The following PCLO variants were observed in gnomAD, a reference collection of about 807,000 sequenced individuals.
PCLO encodes piccolo presynaptic cytomatrix protein, also known as protein piccolo.
Under a neutral mutation model 427.5 loss-of-function variants are expected in PCLO, and 82 were observed. That is an observed-to-expected ratio of 0.19 (90% CI 0.16 to 0.23). The LOEUF is 0.23. PCLO is among the 10% of genes least tolerant of loss of function. The pLI is 1.00. For synonymous variants in PCLO, 2,357 were observed against 2,155.4 expected, an observed-to-expected ratio of 1.09 and a Z score of -2.59; for missense variants, 6,239 against 6,115.9, an observed-to-expected ratio of 1.02 and a Z score of -0.67.
chr7:82,876,215 C>T (rs1304754666), intron 10 of PCLO, among the ~76,000 whole-genome samples: 2 of 151,882 alleles, frequency 1.3e-5, no homozygotes, highest in African/African-American at 2.4e-5. Context: ...AAATGTTCAA[C>T]ACCCTTATTG....
chr7:82,930,528 A>G (rs1794816822), intron 6 of PCLO, among the ~76,000 whole-genome samples: 1 of 152,188 alleles, frequency 6.6e-6, no homozygotes, highest in Admixed American at 6.6e-5. Flanking sequence ...CAAATTATCC[A>G]AGAGGTAAAT....
At chr7:83,085,240 ATGT>A (rs1482057992) in intron 3 of PCLO, among the ~76,000 whole-genome samples, 1 of 152,170 alleles carries the variant, frequency 6.6e-6, no homozygotes, top group African/African-American at 2.4e-5. Context: ...GGAAAGAAAC[ATGT>A]TGTGTAATTT....
Position 82,760,674 on chromosome 7 carries a change from G to C in PCLO, c.15253C>G (p.Arg5085Gly). ...TGTCCTGCAGGACTTAGACTGAATC[G>C]AAAAGTTTCATTAAACGAAGGCTCT... ...DREPSFNETF[R>G]FSLSPAGHSL... The change falls in exon 24 of 25, where the codon CGA becomes GGA. Residue 5085 changes from arginine to glycine, a missense_variant. Physicochemically the swap from Arg to Gly is moderately radical, Grantham distance 125. Transcript: ENST00000333891. 1 of 1,605,964 alleles carries C rather than the reference G, an allele frequency of 6.2e-7. No individual in the cohort carries two copies. Among genetic ancestry groups the C allele is most frequent in the Non-Finnish European group, 8.5e-7 (1 of 1,175,936 alleles).
chr7:83,048,687 T>A (rs1365264734), intron 3 of PCLO, among the ~76,000 whole-genome samples: 1 of 152,182 alleles, frequency 6.6e-6, no homozygotes, highest in East Asian at 1.9e-4. Flanking sequence ...TGTAAAGGTA[T>A]GATTACAAGC....
rs544288431 is a variant in PCLO at position 82,758,328 on chromosome 7, T to C, written c.*247A>G. 2.8e-6 allele frequency: 1 copy of C among 353,338 alleles called. No individual in the cohort carries two copies. Among genetic ancestry groups the C allele is most frequent in the South Asian group, 7.5e-5 (1 of 13,266 alleles). 21.9% of individuals were successfully genotyped at this position (353,338 alleles called of 1,614,324 possible). A position where few individuals can be genotyped will look rare whatever the true frequency, so the allele number is the denominator to read the frequency against. On this transcript the variant is annotated 3_prime_UTR_variant, in exon 25 of 25. Transcript: ENST00000333891. ...TCAAAATTTGTTTCACAGTTTCTCT[T>C]CACAGCCATGGGAAATTCAAGGTCT...
chr7:82,910,831 A>T (rs1363656745), intron 7 of PCLO, among the ~76,000 whole-genome samples: 1 of 152,164 alleles, frequency 6.6e-6, no homozygotes, highest in Non-Finnish European at 1.5e-5. Context: ...ACATTTGACA[A>T]GGAAATACAA....
At chr7:83,065,101 A>C (rs1297938164) in intron 3 of PCLO, among the ~76,000 whole-genome samples, 2 of 150,880 alleles carry the variant, frequency 1.3e-5, no homozygotes. Context: ...AATAATTTTT[A>C]GTCTTTCAGT....
At position 82,826,583 on chromosome 7, in the gene PCLO, G is replaced by A; in HGVS notation, c.14415+6C>T. On this transcript the variant is annotated splice_donor_region_variant and intron_variant, in intron 18 of 24. Transcript: ENST00000333891. ...GCAAATAAGGGAAAGGAAGTCAGAG[G>A]CTTACCTCCCCAAGGAAGTCGTTGG... 6.3e-7 allele frequency: 1 copy of A among 1,584,570 alleles called. No individual in the cohort carries two copies. The highest frequency in any genetic ancestry group is 8.6e-7 in the Non-Finnish European group (1 of 1,157,428).
At chr7:82,882,395 A>G (rs1584096182) in intron 9 of PCLO, among the ~76,000 whole-genome samples, 2 of 152,158 alleles carry the variant, frequency 1.3e-5, no homozygotes, top group South Asian at 2.1e-4. Context: ...AGATAAGGTC[A>G]TCTCTCTGCT....
chr7:83,146,582 C>G (rs1217550042), intron 2 of PCLO, among the ~76,000 whole-genome samples: 2 of 147,280 alleles, frequency 1.4e-5, no homozygotes, highest in African/African-American at 5.0e-5. Context: ...ATTCAGCTTA[C>G]TGATCCAATA....
chr7:82,841,538 T>G (rs746109759), intron 13 of PCLO, 29 bp from the exon 14 acceptor site: 22 of 1,297,548 alleles, frequency 1.7e-5, no homozygotes, highest in Admixed American at 1.4e-4. Context: ...TATATTACAT[T>G]AATAGATACA....
At chr7:82,865,002 G>A (rs559398618) in intron 10 of PCLO, among the ~76,000 whole-genome samples, 2 of 152,050 alleles carry the variant, frequency 1.3e-5, no homozygotes, top group African/African-American at 4.8e-5. Flanking sequence ...AAAATATTGA[G>A]AGATTTTATT....
intron 20 of PCLO, 136 bp from the exon 21 acceptor site, chr7:82,805,965 G>T (rs1198430451): frequency 1.0e-5 from 8 of 800,860 alleles, no homozygotes; most frequent in Admixed American, 2.8e-5. Flanking sequence ...TTTTCAACCC[G>T]CCTTTTCGTT....
At chr7:82,874,511 G>A (rs1405947483) in intron 10 of PCLO, among the ~76,000 whole-genome samples, 2 of 152,090 alleles carry the variant, frequency 1.3e-5, no homozygotes, top group Admixed American at 6.6e-5. Context: ...AATTTGGAGA[G>A]GGTTGAAACA....
chr7:82,878,927 C>T (rs1584091104), intron 10 of PCLO, among the ~76,000 whole-genome samples: 1 of 152,132 alleles, frequency 6.6e-6, no homozygotes, highest in African/African-American at 2.4e-5. Flanking sequence ...TGGATAAAGC[C>T]TGTGGGCCAT....
chr7:82,849,388 C>A (rs956497614), intron 10 of PCLO, among the ~76,000 whole-genome samples: 1 of 152,088 alleles, frequency 6.6e-6, no homozygotes, highest in African/African-American at 2.4e-5. Context: ...ATTCTTTTTG[C>A]GCCACCTCAG....
chr7:82,874,696 T>C (rs1045227932), intron 10 of PCLO, among the ~76,000 whole-genome samples: 3 of 152,186 alleles, frequency 2.0e-5, no homozygotes, highest in Non-Finnish European at 4.4e-5. Flanking sequence ...AAGATGCTGG[T>C]TATATTGAAC....
chr7:83,070,813 G>C (rs1789795652), intron 3 of PCLO, among the ~76,000 whole-genome samples: 1 of 152,118 alleles, frequency 6.6e-6, no homozygotes, highest in Non-Finnish European at 1.5e-5. Flanking sequence ...CAGGATTTTG[G>C]AGTTGTTGTG....
intron 7 of PCLO, among the ~76,000 whole-genome samples, chr7:82,912,961 T>C (rs779535525): frequency 6.6e-6 from 1 of 152,038 alleles, no homozygotes; most frequent in Non-Finnish European, 1.5e-5. Context: ...TTTATAGACA[T>C]GACTATTGGA....
Sources: gnomAD v4.1 joint callset for allele counts (sites outside exome capture counted in the v4.1 genomes callset) on GRCh38, gnomAD v4.1.1 for gene constraint, MANE v1.5 for transcripts, NCBI Gene and HGNC (gene_info 2026-07-23, HGNC 2026-07-21) for gene names.